SLC37A1: variants seen among roughly 807,000 people sequenced by gnomAD.
The protein encoded by SLC37A1 is glucose-6-phosphate exchanger SLC37A1.
A neutral mutation model predicts 75.3 loss-of-function variants in SLC37A1; 49 were observed. That is an observed-to-expected ratio of 0.65 (90% CI 0.52 to 0.83). SLC37A1 has a LOEUF of 0.83. Among genes scored for constraint, SLC37A1 ranks in the 40% least tolerant of loss-of-function variants. The probability of loss-of-function intolerance (pLI) is 0.00; values close to 1 mark genes in which losing one functional copy is unlikely to be tolerated. For missense variants in SLC37A1, 566 were observed against 695.0 expected (o/e 0.81, Z 2.09); for synonymous variants, 268 against 292.1 (o/e 0.92, Z 0.84).
At chr21:42,507,786 A>G (rs1031483372) in intron 2 of SLC37A1, among the ~76,000 whole-genome samples, 6 of 152,200 alleles carry the variant, frequency 3.9e-5, no homozygotes, top group African/African-American at 1.4e-4. Context: ...GCTCACAGGG[A>G]CTGATACAGT....
chr21:42,557,020 C>T (rs1188753341), intron 10 of SLC37A1, among the ~76,000 whole-genome samples: 1 of 152,234 alleles, frequency 6.6e-6, no homozygotes, highest in Non-Finnish European at 1.5e-5. Flanking sequence ...GACCCTGAAG[C>T]ACTTTACAAA....
At chr21:42,562,778 G>GGTTC (rs201847578) in intron 12 of SLC37A1, among the ~76,000 whole-genome samples, 83,272 of 151,644 alleles carry the variant, frequency 0.55, 23,770 homozygotes, top group Admixed American at 0.69. Context: ...TGGCTGAGAG[G>GGTTC]AAGCGGGGAT....
At chr21:42,526,518 C>T (rs576142178) in intron 3 of SLC37A1, among the ~76,000 whole-genome samples, 59 of 152,302 alleles carry the variant, frequency 3.9e-4, no homozygotes, top group African/African-American at 1.2e-3. Context: ...AGTGGCCCCT[C>T]GCTCACTCTC....
At chr21:42,578,519 G>A (rs2056352406) in intron 18 of SLC37A1, among the ~76,000 whole-genome samples, 1 of 152,190 alleles carries the variant, frequency 6.6e-6, no homozygotes, top group Non-Finnish European at 1.5e-5. Context: ...GTAGATGTGG[G>A]TAAGGTACCA....
Position 42,547,039 on chromosome 21 carries a change from G to A in SLC37A1, c.731-64G>A, listed in dbSNP as rs760388145. 44 of 1,606,576 alleles carry A rather than the reference G, an allele frequency of 2.7e-5. No homozygotes were observed. The highest frequency in any genetic ancestry group is 3.3e-5 in the Admixed American group (2 of 59,968). ...CCGTGTTGCCCTGTCCTCGGGTTAC[G>A]TAGCTTACTTGGCATTGCCATGGTG... On this transcript the variant is annotated intron_variant, in intron 8 of 19. Coordinates refer to ENST00000352133, the MANE Select transcript of SLC37A1 (RefSeq NM_001320537.2). The surrounding 1 kb of genome is among the most constrained non-coding windows in gnomAD (Gnocchi z 6.1).
chr21:42,542,597 G>A (rs2055311357), intron 7 of SLC37A1, 117 bp downstream of exon 7: 1 of 987,416 alleles, frequency 1.0e-6, no homozygotes, highest in South Asian at 1.5e-5. Context: ...AAATAAGATG[G>A]CTGAAACCTC....
intron 12 of SLC37A1, among the ~76,000 whole-genome samples, chr21:42,563,565 G>C (rs1051307845): frequency 6.6e-5 from 10 of 151,686 alleles, no homozygotes; most frequent in Admixed American, 4.7e-4. Flanking sequence ...AGGGGCCCCT[G>C]GGGGGGTCTC....
chr21:42,528,376 T>C (rs2054855137), intron 3 of SLC37A1, among the ~76,000 whole-genome samples: 1 of 152,170 alleles, frequency 6.6e-6, no homozygotes, highest in African/African-American at 2.4e-5. Flanking sequence ...GAGATCTTAG[T>C]GCGAGCTCTT....
intron 3 of SLC37A1, 59 bp downstream of exon 3, chr21:42,525,916 C>T: frequency 7.6e-7 from 1 of 1,315,048 alleles, no homozygotes; most frequent in Non-Finnish European, 1.1e-6. Flanking sequence ...ACTTGAAAAG[C>T]TTGTGGGGCA....
At chr21:42,522,802 A>G (rs562762911) in intron 2 of SLC37A1, among the ~76,000 whole-genome samples, 5 of 152,220 alleles carry the variant, frequency 3.3e-5, no homozygotes, top group African/African-American at 9.6e-5. Flanking sequence ...TCATTCATTA[A>G]GGTGTCTCCC....
chr21:42,518,153 CAGACG>C, intron 1 of SLC37A1, 119 bp from the exon 2 acceptor site: 2 of 378,868 alleles, frequency 5.3e-6, no homozygotes, highest in Non-Finnish European at 1.0e-5. Context: ...CTGCTTGTAT[CAGACG>C]TGCAGCTTTG....
rs545449178 is a variant in SLC37A1, at chr21:42,580,479, G to A, written c.*119G>A. ...TGACCTCCCTTTGCCTTTTGCACAC[G>A]CACCTGGAAAAGACACAGAAGCCAA... On this transcript the variant is annotated 3_prime_UTR_variant, in exon 20 of 20. Transcript: ENST00000352133. 2.9e-5 allele frequency: 33 copies of A among 1,143,262 alleles called. No individual in the cohort carries two copies. Among genetic ancestry groups the A allele is most frequent in the Middle Eastern group, 2.2e-4 (1 of 4,572 alleles). 70.8% of individuals were successfully genotyped at this position (1,143,262 alleles called of 1,614,324 possible).
chr21:42,522,931 A>G (rs1161086986), intron 2 of SLC37A1, among the ~76,000 whole-genome samples: 2 of 152,230 alleles, frequency 1.3e-5, no homozygotes, highest in Admixed American at 1.3e-4. Flanking sequence ...CACCCCGCAG[A>G]GGAAGGCAGG....
chr21:42,538,676 A>AAAC (rs761870567), intron 5 of SLC37A1, among the ~76,000 whole-genome samples: 9 of 152,206 alleles, frequency 5.9e-5, no homozygotes, highest in Non-Finnish European at 7.3e-5. Flanking sequence ...ATTTCCCATA[A>AAAC]AACAGTAAGG....
intron 7 of SLC37A1, 103 bp from the exon 8 acceptor site, chr21:42,543,333 C>G: frequency 7.4e-7 from 1 of 1,355,070 alleles, no homozygotes; most frequent in African/African-American, 1.4e-5. Flanking sequence ...CCCGTTGATT[C>G]TGCGCCGACT....
rs766207613 is a variant in SLC37A1 at position 42,548,692 on chromosome 21, A to T, written c.768+1552A>T. On this transcript the variant is annotated intron_variant, in intron 9 of 19. Transcript: ENST00000352133. The surrounding 1 kb of genome is among the most constrained non-coding windows in gnomAD (Gnocchi z 5.6). The stretch of plus-strand genomic sequence containing the variant: ...GCACTTGCAGAGACTGTATTGATAC[A>T]GACGCCAGAGCACATCAGCCCTTGC... Among the ~76,000 whole-genome samples, 11 of 152,220 alleles carry T rather than the reference A, an allele frequency of 7.2e-5. No homozygotes were observed. The highest frequency in any genetic ancestry group is 1.5e-4 in the Non-Finnish European group (10 of 68,052).
chr21:42,559,298 A>C (rs1601746361), intron 11 of SLC37A1, among the ~76,000 whole-genome samples: 1 of 150,926 alleles, frequency 6.6e-6, no homozygotes, highest in South Asian at 2.1e-4. Context: ...CCATGTTTAA[A>C]TTTTTTTTGA....
rs370390321 is a variant in SLC37A1, at chr21:42,534,295, C to T, written c.139-403C>T. On this transcript the variant is annotated intron_variant, in intron 3 of 19. Coordinates refer to ENST00000352133, the MANE Select transcript of SLC37A1 (RefSeq NM_001320537.2). ...TGGACCTGTAACTTGTTCTTTTTCA[C>T]GGGTGTGTAGCATTCAGTTGTGTGA... is the stretch of plus-strand genomic sequence containing the variant. Among the ~76,000 whole-genome samples the T allele has an allele frequency of 5.3e-4, 80 of 152,280 alleles. 1 individual carries two copies. The highest frequency in any genetic ancestry group is 1.5e-3 in the African/African-American group (63 of 41,556).
chr21:42,520,474 T>C (rs1175087448), intron 2 of SLC37A1, among the ~76,000 whole-genome samples: 1 of 152,216 alleles, frequency 6.6e-6, no homozygotes, highest in East Asian at 1.9e-4. Context: ...ATTATGCATT[T>C]TTGACAGAAA....
Sources: gnomAD v4.1 joint callset for allele counts (sites outside exome capture counted in the v4.1 genomes callset) on GRCh38, gnomAD v4.1.1 for gene constraint, Gnocchi (gnomAD v3.1) non-coding constraint, MANE v1.5 for transcripts, NCBI Gene and HGNC (gene_info 2026-07-23, HGNC 2026-07-21) for gene names.